The following VPS35L variants were observed in gnomAD, a reference collection of about 807,000 sequenced individuals.
The protein encoded by VPS35L is VPS35 endosomal protein-sorting factor-like.
Under a neutral mutation model 133.0 loss-of-function variants are expected in VPS35L, and 83 were observed. The ratio of observed to expected loss-of-function variants is 0.62; its 90% CI spans 0.52 to 0.75. The LOEUF (loss-of-function observed/expected upper bound fraction) is 0.75, where lower values mean the gene tolerates loss of function less well. Among genes scored for constraint, VPS35L ranks in the 30% least tolerant of loss-of-function variants. The pLI is 0.00. For missense variants in VPS35L, 1,083 were observed against 1,206.8 expected, an observed-to-expected ratio of 0.90 and a Z score of 1.52; for synonymous variants, 423 against 449.9, an observed-to-expected ratio of 0.94 and a Z score of 0.76.
At chr16:19,556,654 A>G (rs987349281) in intron 1 of VPS35L, among the ~76,000 whole-genome samples, 3 of 152,248 alleles carry the variant, frequency 2.0e-5, no homozygotes, top group African/African-American at 7.2e-5. Context: ...TGAGCAAATG[A>G]AAGACCTTAG....
chr16:19,559,425 C>G (rs1440751822), intron 1 of VPS35L, among the ~76,000 whole-genome samples: 1 of 152,108 alleles, frequency 6.6e-6, no homozygotes, highest in Non-Finnish European at 1.5e-5. Context: ...TCCAGACAAG[C>G]CCTTTACATT....
intron 3 of VPS35L, among the ~76,000 whole-genome samples, chr16:19,570,969 G>A (rs1010476777): frequency 2.0e-5 from 3 of 149,430 alleles, no homozygotes; most frequent in Non-Finnish European, 4.5e-5. Context: ...CACCTCCCAG[G>A]TTCAAGCGAT....
chr16:19,567,438 A>G (rs999540595), intron 2 of VPS35L, among the ~76,000 whole-genome samples: 1 of 152,152 alleles, frequency 6.6e-6, no homozygotes, highest in Non-Finnish European at 1.5e-5. Flanking sequence ...AACAGAGTTC[A>G]CCCCACCAGG....
At chr16:19,650,554 A>G (rs1974093506) in intron 25 of VPS35L, 95 bp downstream of exon 25, 3 of 1,015,010 alleles carry the variant, frequency 3.0e-6, no homozygotes, top group African/African-American at 1.6e-5. Flanking sequence ...AAAGATGAGT[A>G]TGTCATGATA....
intron 8 of VPS35L, 27 bp from the exon 9 acceptor site, chr16:19,601,637 T>C: frequency 6.2e-7 from 1 of 1,611,818 alleles, no homozygotes; most frequent in Non-Finnish European, 8.5e-7. Flanking sequence ...AGTGTGATAC[T>C]AACACCATCT....
intron 13 of VPS35L, 83 bp downstream of exon 13, chr16:19,616,274 G>A: frequency 3.4e-6 from 4 of 1,186,626 alleles, no homozygotes; most frequent in Non-Finnish European, 5.0e-6. Flanking sequence ...TTTTCCAAGT[G>A]GAGAATGCCT....
rs755863573 is a variant in VPS35L at position 19,691,389 on chromosome 16, AGTTCCTG to A, written c.2566_2572del (p.Phe856GlnfsTer10). Reference sequence around the variant, plus strand: ...GACAGCCTCTACGGGGGAGACTCCAAGTTCCTGGCAGAAAACAACAAGCTGTGTGAGA... The same window carrying A: ...GACAGCCTCTACGGGGGAGACTCCAAGCAGAAAACAACAAGCTGTGTGAGA... On this transcript the variant is annotated frameshift_variant, in exon 29 of 31. Coordinates refer to ENST00000417362, the MANE Select transcript of VPS35L (RefSeq NM_020314.7). LOFTEE classifies it high-confidence loss of function. 6.2e-6 allele frequency: 10 copies of A among 1,613,816 alleles called. No individual in the cohort carries two copies. Among genetic ancestry groups the A allele is most frequent in the African/African-American group, 2.7e-5 (2 of 74,912 alleles).
chr16:19,685,516 T>C (rs889514605), intron 28 of VPS35L, among the ~76,000 whole-genome samples: 5 of 152,224 alleles, frequency 3.3e-5, no homozygotes, highest in African/African-American at 7.2e-5. Context: ...ATGTATTTCT[T>C]GGTGTACATT....
chr16:19,693,232 T>C (rs964686886), intron 29 of VPS35L, among the ~76,000 whole-genome samples: 17 of 151,916 alleles, frequency 1.1e-4, no homozygotes, highest in African/African-American at 3.9e-4. Flanking sequence ...ACGAGGCAAC[T>C]CTCCTAGAAT....
At chr16:19,619,397 T>A (rs1220820861) in intron 14 of VPS35L, among the ~76,000 whole-genome samples, 1 of 152,112 alleles carries the variant, frequency 6.6e-6, no homozygotes, top group Admixed American at 6.6e-5. Flanking sequence ...AAGGAAAGAT[T>A]GTTTGAAGTT....
At chr16:19,655,946 A>G (rs1044025216) in intron 26 of VPS35L, among the ~76,000 whole-genome samples, 5 of 151,920 alleles carry the variant, frequency 3.3e-5, no homozygotes, top group African/African-American at 1.2e-4. Context: ...CTTTATCTTT[A>G]CAGTTTATAA....
intron 14 of VPS35L, among the ~76,000 whole-genome samples, chr16:19,620,754 C>G (rs970446872): frequency 6.6e-6 from 1 of 152,076 alleles, no homozygotes; most frequent in African/African-American, 2.4e-5. Flanking sequence ...AGTTTGAGAC[C>G]AGCCTGGCCA....
chr16:19,558,707 T>C (rs1970935439), intron 1 of VPS35L, among the ~76,000 whole-genome samples: 2 of 151,862 alleles, frequency 1.3e-5, no homozygotes, highest in Non-Finnish European at 2.9e-5. Context: ...GATCACTTGA[T>C]GTCCGGAGTT....
intron 28 of VPS35L, among the ~76,000 whole-genome samples, chr16:19,690,575 G>A (rs1485276608): frequency 6.6e-6 from 1 of 152,206 alleles, no homozygotes; most frequent in Non-Finnish European, 1.5e-5. Context: ...AGCTAAGAGC[G>A]TGAGCTCTGG....
chr16:19,678,498 A>G (rs1360669718), intron 27 of VPS35L, among the ~76,000 whole-genome samples: 3 of 143,574 alleles, frequency 2.1e-5, no homozygotes, highest in African/African-American at 7.8e-5. Context: ...TTTTTTTTTG[A>G]GAGGAGTCTC....
At chr16:19,570,505 C>T (rs773069702) in intron 3 of VPS35L, among the ~76,000 whole-genome samples, 4 of 152,096 alleles carry the variant, frequency 2.6e-5, no homozygotes, top group Non-Finnish European at 5.9e-5. Context: ...AATCTCCACC[C>T]TGGCGGTTGT....
chr16:19,622,138 A>ATTTTTTTTTT (rs1264606460), intron 14 of VPS35L, among the ~76,000 whole-genome samples: 3 of 106,620 alleles, frequency 2.8e-5, no homozygotes, highest in East Asian at 3.2e-4. Flanking sequence ...CTCCATGTAT[A>ATTTTTTTTTT]TCTTTTTTTT....
At chr16:19,670,628 G>C (rs1432034248) in intron 27 of VPS35L, among the ~76,000 whole-genome samples, 3 of 152,248 alleles carry the variant, frequency 2.0e-5, no homozygotes, top group South Asian at 4.2e-4. Context: ...AAATTAAGAG[G>C]GGCATTGTTG....
chr16:19,694,588 C>T (rs985463883), intron 29 of VPS35L, among the ~76,000 whole-genome samples: 5 of 151,876 alleles, frequency 3.3e-5, no homozygotes, highest in African/African-American at 9.7e-5. Context: ...CTCCTGGGCT[C>T]TAGTGATCCT....
Sources: allele counts gnomAD v4.1 joint callset (sites outside exome capture counted in the v4.1 genomes callset), GRCh38; gene constraint gnomAD v4.1.1; transcripts MANE v1.5; gene names NCBI Gene and HGNC (gene_info 2026-07-23, HGNC 2026-07-21).